EIF2AK3: variants seen among roughly 807,000 people sequenced by gnomAD.
EIF2AK3 encodes eukaryotic translation initiation factor 2 alpha kinase 3.
EIF2AK3 carries 50 observed loss-of-function variants against 113.5 expected under a neutral mutation model. That is an observed-to-expected ratio of 0.44 (90% CI 0.35 to 0.56). The LOEUF is 0.56. Ranked by LOEUF, EIF2AK3 falls within the 20% of genes least tolerant of loss-of-function variation. The pLI is 0.00. For synonymous variants in EIF2AK3, 448 were observed against 495.4 expected, an observed-to-expected ratio of 0.90 and a Z score of 1.27; for missense variants, 1,185 against 1,378.0, an observed-to-expected ratio of 0.86 and a Z score of 2.22.
intron 4 of EIF2AK3, among the ~76,000 whole-genome samples, chr2:88,592,934 G>A (rs1446623971): frequency 6.6e-6 from 1 of 151,928 alleles, no homozygotes; most frequent in African/African-American, 2.4e-5. Flanking sequence ...CTGACGTCGG[G>A]AGTTGGACAC....
Position 88,574,757 on chromosome 2 carries a change from C to T in EIF2AK3, c.2726G>A (p.Arg909Lys). 2 of 1,614,230 alleles carry T rather than the reference C, an allele frequency of 1.2e-6. No individual in the cohort carries two copies. The highest frequency in any genetic ancestry group is 1.7e-6 in the Non-Finnish European group (2 of 1,180,030). ...GATGTGCAGACACACGCTCCTCTCTCTCTCCTCTATGGTACATCGTCCATT... is the reference window on the plus strand; with the variant it reads ...GATGTGCAGACACACGCTCCTCTCTTTCTCCTCTATGGTACATCGTCCATT... The part of the protein sequence containing the change: ...WMNGRCTIEE[R>K]ERSVCLHIFL... Residue 909 changes from arginine to lysine, a missense_variant, in exon 13 of 17, where the codon AGA becomes AAA. Arg to Lys is a conservative substitution (Grantham distance 26). Around this residue, in one of 3 missense-constraint regions of EIF2AK3, gnomAD observed 877 missense variants for 1,024.2 expected, o/e 0.86. Coordinates refer to ENST00000303236, the MANE Select transcript of EIF2AK3 (RefSeq NM_004836.7).
intron 14 of EIF2AK3, among the ~76,000 whole-genome samples, chr2:88,567,600 C>T (rs557938666): frequency 7.2e-4 from 109 of 152,266 alleles, no homozygotes; most frequent in African/African-American, 2.5e-3. Context: ...ATTTTGGTAT[C>T]AATATTCACA....
chr2:88,575,328 T>G lies in EIF2AK3; in HGVS notation c.2155A>C (p.Ser719Arg), dbSNP rs770320288. 1.9e-6 allele frequency: 3 copies of G among 1,614,232 alleles called. No homozygotes were observed. In the Admixed American group the frequency reaches 5.0e-5, roughly 27 times the overall value. Residue 719 changes from serine (S) to arginine (R), a missense_variant, in exon 13 of 17, where the codon AGC becomes CGC. Transcript: ENST00000303236. ...IEIIAPSPQR[S>R]RSFSVGISCD... ...GAAATCCCTACTGAAAAAGACCTGC[T>G]TCTTTGTGGTGAAGGAGCTATGATT... is the stretch of plus-strand genomic sequence containing the variant.
At chr2:88,608,539 C>A (rs939382280) in intron 2 of EIF2AK3, among the ~76,000 whole-genome samples, 2 of 152,074 alleles carry the variant, frequency 1.3e-5, no homozygotes. Context: ...CCTTTACAAC[C>A]AAACACACTG....
At chr2:88,572,854 T>G (rs1377880330) in intron 13 of EIF2AK3, among the ~76,000 whole-genome samples, 1 of 151,828 alleles carries the variant, frequency 6.6e-6, no homozygotes, top group East Asian at 1.9e-4. Flanking sequence ...ATAATCCAGG[T>G]GTGATGAGAA....
chr2:88,593,492 A>T, intron 3 of EIF2AK3, 87 bp from the exon 4 acceptor site: 1 of 1,516,126 alleles, frequency 6.6e-7, no homozygotes, highest in Non-Finnish European at 9.0e-7. Context: ...TAATTTTTAA[A>T]AAGTGAAAGG....
intron 11 of EIF2AK3, among the ~76,000 whole-genome samples, chr2:88,578,791 C>T (rs140998622): frequency 8.8e-4 from 134 of 151,888 alleles, no homozygotes; most frequent in African/African-American, 3.1e-3. Context: ...AATCACACTT[C>T]TAGGAATCTA....
At chr2:88,593,592 A>C (rs1365429305) in intron 3 of EIF2AK3, among the ~76,000 whole-genome samples, 187 bp from the exon 4 acceptor site, 1 of 152,232 alleles carries the variant, frequency 6.6e-6, no homozygotes, top group Non-Finnish European at 1.5e-5. Flanking sequence ...GAACAATGAC[A>C]GTACCAATGA....
In EIF2AK3 at chr2:88,575,324, C is replaced by T. The variant is rs2104411903; in HGVS notation, c.2159G>A (p.Arg720Lys). 6.2e-7 allele frequency: 1 copy of T among 1,614,162 alleles called. No individual in the cohort carries two copies. ...ACAGGAAATCCCTACTGAAAAAGAC[C>T]TGCTTCTTTGTGGTGAAGGAGCTAT... ...EIIAPSPQRS[R>K]SFSVGISCDQ... Residue 720 changes from arginine (R) to lysine (K), a missense_variant, in exon 13 of 17, where the codon AGG (arginine) becomes AAG (lysine). Coordinates refer to ENST00000303236, the MANE Select transcript of EIF2AK3 (RefSeq NM_004836.7).
chr2:88,578,974 A>G (rs1341567047), intron 11 of EIF2AK3, among the ~76,000 whole-genome samples: 3 of 152,204 alleles, frequency 2.0e-5, no homozygotes, highest in African/African-American at 4.8e-5. Flanking sequence ...ACCAAGCCAT[A>G]AAATACTTTT....
At chr2:88,620,852 A>G (rs1379829437) in intron 1 of EIF2AK3, among the ~76,000 whole-genome samples, 1 of 152,234 alleles carries the variant, frequency 6.6e-6, no homozygotes, top group African/African-American at 2.4e-5. Flanking sequence ...CTTCCTACGG[A>G]AAAGACATTT....
chr2:88,608,696 ATTTC>A (rs1675350110), intron 2 of EIF2AK3, among the ~76,000 whole-genome samples: 1 of 112,818 alleles, frequency 8.9e-6, no homozygotes. Flanking sequence ...GCAGTTTTTG[ATTTC>A]TTTTTTTTTT....
At chr2:88,577,139 A>ACCC (rs1674483010) in intron 11 of EIF2AK3, among the ~76,000 whole-genome samples, 2 of 151,932 alleles carry the variant, frequency 1.3e-5, no homozygotes, top group South Asian at 2.1e-4. Context: ...GCGCACCACC[A>ACCC]CACCCAGGTA....
intron 4 of EIF2AK3, among the ~76,000 whole-genome samples, chr2:88,592,155 T>C (rs1224343643): frequency 2.6e-5 from 4 of 152,128 alleles, no homozygotes; most frequent in East Asian, 1.9e-4. Flanking sequence ...TTAAAAAAAA[T>C]CAAGCATTTG....
Position 88,610,672 on chromosome 2 carries a change from T to A in EIF2AK3, c.438+3052A>T, listed in dbSNP as rs1438970393. ...GCTACTTTTCTCATTAAATTTTTTG[T>A]ATTAAAGAATATAGTTATTATTCAT... On this transcript the variant is annotated intron_variant, in intron 2 of 16. Transcript: ENST00000303236. Among the ~76,000 whole-genome samples, 4 of 152,254 alleles carry A rather than the reference T, an allele frequency of 2.6e-5. No individual in the cohort carries two copies. In the South Asian group the frequency reaches 8.3e-4, roughly 32 times the overall value.
At chr2:88,610,641 T>C (rs564279482) in intron 2 of EIF2AK3, among the ~76,000 whole-genome samples, 1 of 152,350 alleles carries the variant, frequency 6.6e-6, no homozygotes, top group South Asian at 2.1e-4. Flanking sequence ...TGCAAAAATG[T>C]AAAATGCTAC....
intron 4 of EIF2AK3, 131 bp from the exon 5 acceptor site, chr2:88,591,183 GAA>G: frequency 2.4e-6 from 2 of 841,204 alleles, no homozygotes; most frequent in Non-Finnish European, 1.9e-6. Context: ...TAACCTTCTG[GAA>G]AAGAGTGCTC....
In EIF2AK3 at chr2:88,595,587, T is replaced by A; in HGVS notation, c.515A>T (p.Glu172Val). ...TGATTCAACTGTGAAAGGAACTGTT[T>A]CCATGCTTTCACGGTCTTGGTCCCA... ...FQWDQDRESM[E>V]TVPFTVESLL... Residue 172 changes from glutamate (E) to valine (V), a missense_variant, in exon 3 of 17, where the codon GAA becomes GTA. This residue lies in a region of EIF2AK3 where 119 missense variants were observed against 178.7 expected (regional missense o/e 0.67). Transcript: ENST00000303236. 1 of 1,614,000 alleles carries A rather than the reference T, an allele frequency of 6.2e-7. No individual in the cohort carries two copies. Among genetic ancestry groups the A allele is most frequent in the Non-Finnish European group, 8.5e-7 (1 of 1,179,930 alleles).
At chr2:88,568,519 C>CT (rs2104398715) in intron 14 of EIF2AK3, among the ~76,000 whole-genome samples, 1 of 152,164 alleles carries the variant, frequency 6.6e-6, no homozygotes, top group African/African-American at 2.4e-5. Flanking sequence ...AAATATACAC[C>CT]TTTTTAATAA....
Sources: allele counts gnomAD v4.1 joint callset (sites outside exome capture counted in the v4.1 genomes callset), GRCh38; gene constraint gnomAD v4.1.1; regional missense constraint gnomAD v4.1.1; transcripts MANE v1.5; gene names NCBI Gene and HGNC (gene_info 2026-07-23, HGNC 2026-07-21).